CCDC30: variants seen among roughly 807,000 people sequenced by gnomAD.
CCDC30 encodes the protein coiled-coil domain-containing protein 30.
Under a neutral mutation model 100.2 loss-of-function variants are expected in CCDC30, and 70 were observed. The observed-to-expected ratio is 0.70, with a 90% CI of 0.58 to 0.85. The LOEUF (loss-of-function observed/expected upper bound fraction) is 0.85. Ranked by LOEUF, CCDC30 falls within the 40% of genes least tolerant of loss-of-function variation. The pLI, the probability that CCDC30 is intolerant of heterozygous loss-of-function variation, is 0.00. For synonymous variants in CCDC30, 233 were observed against 269.5 expected, an observed-to-expected ratio of 0.86 and a Z score of 1.33; for missense variants, 652 against 771.2, an observed-to-expected ratio of 0.85 and a Z score of 1.83.
chr1:42,589,107 T>C (rs901355029), intron 9 of CCDC30, among the ~76,000 whole-genome samples: 4 of 152,138 alleles, frequency 2.6e-5, no homozygotes, highest in African/African-American at 4.8e-5. Flanking sequence ...AACTACTTTT[T>C]CCTCATAGGG....
intron 6 of CCDC30, among the ~76,000 whole-genome samples, chr1:42,540,235 TTGGGACATAGATCAGATAGCA>T (rs1644985308): frequency 6.6e-6 from 1 of 152,148 alleles, no homozygotes; most frequent in Non-Finnish European, 1.5e-5. Flanking sequence ...TGCTGAGGGA[TTGGGACATAGATCAGATAGCA>T]TGTGACATGG....
chr1:42,541,028 G>A (rs768388158), intron 6 of CCDC30, among the ~76,000 whole-genome samples: 3 of 152,078 alleles, frequency 2.0e-5, no homozygotes, highest in African/African-American at 4.8e-5. Context: ...TGATATTTTC[G>A]AAGAGTACTG....
At chr1:42,554,980 T>C (rs749918135) in intron 6 of CCDC30, among the ~76,000 whole-genome samples, 5 of 152,142 alleles carry the variant, frequency 3.3e-5, no homozygotes, top group African/African-American at 7.2e-5. Context: ...CACATGTTGG[T>C]CTACCATCCA....
At chr1:42,472,483 G>T (rs1643803250) in intron 1 of CCDC30, among the ~76,000 whole-genome samples, 1 of 151,978 alleles carries the variant, frequency 6.6e-6, no homozygotes, top group Admixed American at 6.6e-5. Flanking sequence ...AATAAATCCT[G>T]GATAGTATAG....
At chr1:42,574,150 C>T (rs931667918) in intron 7 of CCDC30, among the ~76,000 whole-genome samples, 27 of 152,066 alleles carry the variant, frequency 1.8e-4, no homozygotes, top group Non-Finnish European at 3.2e-4. Flanking sequence ...AATATACCCT[C>T]TTTTTCTGTC....
intron 9 of CCDC30, among the ~76,000 whole-genome samples, chr1:42,587,180 A>G (rs1408210384): frequency 1.3e-5 from 2 of 152,008 alleles, no homozygotes; most frequent in African/African-American, 2.4e-5. Context: ...AATTTTTTAT[A>G]CAGATGAGTT....
chr1:42,546,405 T>A (rs1203398380), intron 6 of CCDC30, among the ~76,000 whole-genome samples: 44 of 2,196 alleles, frequency 0.02, 10 homozygotes, highest in African/African-American at 0.035. Flanking sequence ...AAAAAATATA[T>A]ATATATATAT....
intron 6 of CCDC30, among the ~76,000 whole-genome samples, chr1:42,562,467 A>G (rs1220190944): frequency 6.6e-6 from 1 of 152,234 alleles, no homozygotes; most frequent in African/African-American, 2.4e-5. Context: ...AAGATGGATT[A>G]AAGACTTAAA....
At position 42,569,895 on chromosome 1, in the gene CCDC30, G is replaced by A. The variant is rs367785246; in HGVS notation, c.636+3420G>A. Among the ~76,000 whole-genome samples, 20 of 152,240 alleles carry A rather than the reference G, an allele frequency of 1.3e-4. No homozygotes were observed. The East Asian group carries it at 1.7e-3, about 13-fold the overall frequency. On this transcript the variant is annotated intron_variant, in intron 7 of 16. Coordinates refer to ENST00000668663, the Ensembl canonical transcript of CCDC30. ...ACAGGAACAGAAAACCAAACACTGCGTGTTCTCACTCATAAGTGGGAGCTG... is the reference window on the plus strand; with the variant it reads ...ACAGGAACAGAAAACCAAACACTGCATGTTCTCACTCATAAGTGGGAGCTG...
intron 1 of CCDC30, among the ~76,000 whole-genome samples, chr1:42,468,053 A>G (rs940016331): frequency 2.0e-5 from 3 of 152,168 alleles, no homozygotes; most frequent in African/African-American, 4.8e-5. Context: ...GTAGTTCTGT[A>G]TCCAATTCCT....
intron 11 of CCDC30, among the ~76,000 whole-genome samples, chr1:42,616,549 C>A (rs1646730963): frequency 6.6e-6 from 1 of 152,172 alleles, no homozygotes; most frequent in African/African-American, 2.4e-5. Flanking sequence ...TTCTCTACCA[C>A]TTTTCCAGAG....
At chr1:42,490,363 A>C (rs72659921) in intron 4 of CCDC30, 134 bp downstream of exon 4, 7 of 367,076 alleles carry the variant, frequency 1.9e-5, no homozygotes, top group Non-Finnish European at 3.4e-5. Context: ...GTGCCACTGC[A>C]CTCCAGCCTG....
rs869257648 is a variant in CCDC30, at chr1:42,596,756, AAC to A, written c.1164+7275_1164+7276del. On this transcript the variant is annotated intron_variant, in intron 10 of 16. Coordinates refer to ENST00000668663, the Ensembl canonical transcript of CCDC30. The surrounding 1 kb of genome is among the most constrained non-coding windows in gnomAD (Gnocchi z 4.3). ...AGGCAAAAAAACAAACAAACAAACA[AAC>A]AAAAACAGTTTGAACAGACAGAGCA... Among the ~76,000 whole-genome samples, 10 of 90,846 alleles carry A rather than the reference AAC, an allele frequency of 1.1e-4. No individual in the cohort carries two copies. Among genetic ancestry groups the A allele is most frequent in the Non-Finnish European group, 2.0e-4 (8 of 40,138 alleles). The allele number at this position is 90,846 out of a possible 152,430, so 59.6% of individuals were successfully genotyped here.
chr1:42,539,768 G>C (rs1357936265), intron 6 of CCDC30, among the ~76,000 whole-genome samples: 1 of 152,138 alleles, frequency 6.6e-6, no homozygotes, highest in Non-Finnish European at 1.5e-5. Flanking sequence ...CAAATGTCCT[G>C]ATTCAAGCTT....
chr1:42,551,020 T>A (rs576102527), intron 6 of CCDC30, among the ~76,000 whole-genome samples: 1 of 152,310 alleles, frequency 6.6e-6, no homozygotes, highest in East Asian at 1.9e-4. Flanking sequence ...ATGTGCACAA[T>A]GTGCTGGTTT....
intron 6 of CCDC30, among the ~76,000 whole-genome samples, chr1:42,540,115 C>T (rs1483104182): frequency 6.6e-6 from 1 of 152,104 alleles, no homozygotes; most frequent in Non-Finnish European, 1.5e-5. Flanking sequence ...GTCTTGAATA[C>T]AGCAGTTAAA....
At chr1:42,565,521 A>G (rs1177954886) in intron 6 of CCDC30, among the ~76,000 whole-genome samples, 1 of 152,246 alleles carries the variant, frequency 6.6e-6, no homozygotes, top group Non-Finnish European at 1.5e-5. Context: ...GGCTTTTATC[A>G]AAAAGACAAA....
intron 11 of CCDC30, among the ~76,000 whole-genome samples, chr1:42,629,904 G>C (rs1256483084): frequency 6.6e-6 from 1 of 150,888 alleles, no homozygotes; most frequent in Non-Finnish European, 1.5e-5. Context: ...GTGAGCCGCT[G>C]CATGGGCCCC....
At chr1:42,500,390 T>A (rs549274611) in intron 6 of CCDC30, 2 of 1,200,044 alleles carry the variant, frequency 1.7e-6, no homozygotes, top group East Asian at 4.7e-5. Flanking sequence ...CGAAGTCTGG[T>A]CTGCGCAGTG....
Sources: gnomAD v4.1 joint callset for allele counts (sites outside exome capture counted in the v4.1 genomes callset) on GRCh38, gnomAD v4.1.1 for gene constraint, Gnocchi (gnomAD v3.1) non-coding constraint, MANE v1.5 for transcripts, NCBI Gene and HGNC (gene_info 2026-07-23, HGNC 2026-07-21) for gene names.